Variants in OPN1SW observed in about 807,000 individuals in gnomAD.
OPN1SW encodes short-wave-sensitive opsin 1.
In OPN1SW, 25 loss-of-function variants were observed where a neutral mutation model predicts 31.9. The observed-to-expected ratio is 0.78, with a 90% CI of 0.57 to 1.09. The LOEUF (loss-of-function observed/expected upper bound fraction) is 1.09. OPN1SW is among the 50% of genes least tolerant of loss of function. The pLI is 0.00. For synonymous variants in OPN1SW, 190 were observed against 171.9 expected (o/e 1.11, Z -0.82); for missense variants, 424 against 448.0 (o/e 0.95, Z 0.48).
chr7:128,774,747 A>C, intron 2 of OPN1SW, 84 bp from the exon 3 acceptor site: 1 of 1,577,756 alleles, frequency 6.3e-7, no homozygotes, highest in South Asian at 1.1e-5. Context: ...TTCTCCACTT[A>C]GAACCCACGG....
In OPN1SW at chr7:128,773,798, C is replaced by CA; in HGVS notation, c.768dup (p.Val257CysfsTer18). ...AAGGCCGCGTAGGGCACGTAGCAGA[C>CA]ACAGAAGGATCCTACCATCACAACC... On this transcript the variant is annotated frameshift_variant, in exon 4 of 5. Transcript: ENST00000249389. LOFTEE classifies it high-confidence loss of function. 1 of 1,614,172 alleles carries CA rather than the reference C, an allele frequency of 6.2e-7. No individual in the cohort carries two copies. Among genetic ancestry groups the CA allele is most frequent in the Non-Finnish European group, 8.5e-7 (1 of 1,180,028 alleles).
intron 2 of OPN1SW, 78 bp from the exon 3 acceptor site, chr7:128,774,741 C>T (rs1014917675): frequency 1.3e-6 from 2 of 1,582,312 alleles, no homozygotes; most frequent in Non-Finnish European, 1.7e-6. Flanking sequence ...ATTGTGTTCT[C>T]CACTTAGAAC....
At position 128,773,679 on chromosome 7, in the gene OPN1SW, A is replaced by G. The variant is rs1047554910; in HGVS notation, c.888T>C (p.Asn296=). The G allele has an allele frequency of 6.2e-7, 1 of 1,614,222 alleles. No individual in the cohort carries two copies. Among genetic ancestry groups the G allele is most frequent in the South Asian group, 1.1e-5 (1 of 91,092 alleles). Residue 296 remains asparagine (N), a synonymous_variant, in exon 4 of 5, where the codon AAT becomes AAC. Coordinates refer to ENST00000249389, the MANE Select transcript of OPN1SW (RefSeq NM_001385125.1). ...SFFSKSACIY[N]PIIYCFMNKQ... The stretch of plus-strand genomic sequence containing the variant: ...TATTCATGAAGCAGTAGATGATGGG[A>G]TTGTAGATGCAAGCACTCTTGGAGA...
chr7:128,772,848 C>T (rs1382143104), intron 4 of OPN1SW, among the ~76,000 whole-genome samples, 189 bp from the exon 5 acceptor site: 3 of 152,188 alleles, frequency 2.0e-5, no homozygotes, highest in Non-Finnish European at 2.9e-5. Flanking sequence ...CCTGGGTCTA[C>T]GGTAATCCTA....
Position 128,775,286 on chromosome 7 carries a change from A to G in OPN1SW, c.344-132T>C, listed in dbSNP as rs928725794. ...TGACATTTGGAGTGAAGACTCAAAC[A>G]TCCTATTTTAGCCAAACTTCTAGTC... On this transcript the variant is annotated intron_variant, in intron 1 of 4. Coordinates refer to ENST00000249389, the MANE Select transcript of OPN1SW (RefSeq NM_001385125.1). The G allele has an allele frequency of 3.1e-6, 4 of 1,278,398 alleles. No individual in the cohort carries two copies. In the South Asian group the frequency reaches 5.4e-5, roughly 17 times the overall value. 79.2% of individuals were successfully genotyped at this position (1,278,398 alleles called of 1,614,324 possible). A position where few individuals can be genotyped will look rare whatever the true frequency, so the allele number is the denominator to read the frequency against.
At position 128,775,694 on chromosome 7, in the gene OPN1SW, C is replaced by T; in HGVS notation, c.88G>A (p.Ala30Thr). ...ATGAAAGCTGCCTGGAGGTAGAAGG[C>T]CCAGACAGGGGCAATGTGGTACTGA... ...GPQYHIAPVW[A>T]FYLQAAFMGT... Residue 30 changes from alanine (A) to threonine (T), a missense_variant, in exon 1 of 5, where the codon GCC becomes ACC. Coordinates refer to ENST00000249389, the MANE Select transcript of OPN1SW (RefSeq NM_001385125.1). 1 of 1,614,128 alleles carries T rather than the reference C, an allele frequency of 6.2e-7. No homozygotes were observed. The highest frequency in any genetic ancestry group is 1.3e-5 in the African/African-American group (1 of 75,024).
chr7:128,775,176 A>G, intron 1 of OPN1SW, 22 bp from the exon 2 acceptor site: 2 of 1,613,090 alleles, frequency 1.2e-6, no homozygotes, highest in Non-Finnish European at 1.7e-6. Context: ...TGTGAGGATA[A>G]TGGGCTAGAC....
rs1367423732 is a variant in OPN1SW at position 128,772,627 on chromosome 7, C to T, written c.951G>A (p.Gly317=). 43 of 1,613,988 alleles carry T rather than the reference C, an allele frequency of 2.7e-5. No homozygotes were observed. The highest frequency in any genetic ancestry group is 3.5e-5 in the Non-Finnish European group (41 of 1,180,018). The change falls in exon 5 of 5, where the codon GGG becomes GGA. Residue 317 remains glycine, a synonymous_variant. Transcript: ENST00000249389. Reference sequence around the variant, plus strand: ...TGTCGGATTCATCTGTCATGGCCTTCCCACACACCATCTTCATGATGCAAG... The same window carrying T: ...TGTCGGATTCATCTGTCATGGCCTTTCCACACACCATCTTCATGATGCAAG... ...FQACIMKMVC[G]KAMTDESDTC... is the part of the protein sequence containing the mutation.
rs375118323 is a variant in OPN1SW at position 128,775,767 on chromosome 7, C to T, written c.15G>A (p.Glu5=). 1.1e-5 allele frequency: 17 copies of T among 1,614,012 alleles called. No homozygotes were observed. The highest frequency in any genetic ancestry group is 1.7e-5 in the Admixed American group (1 of 60,008). Residue 5 remains glutamate (E), a synonymous_variant, in exon 1 of 5, where the codon GAG becomes GAA. Transcript: ENST00000249389. The stretch of plus-strand genomic sequence containing the variant: ...AAGAGATATTTTTGAACAGATAAAA[C>T]TCTTCCTCCGACATTTTTCTCATGG... MSEE[E]FYLFKNISSV...
chr7:128,773,697 C>G lies in OPN1SW; in HGVS notation c.870G>C (p.Lys290Asn). The G allele has an allele frequency of 6.2e-7, 1 of 1,614,220 alleles. No homozygotes were observed. Among genetic ancestry groups the G allele is most frequent in the South Asian group, 1.1e-5 (1 of 91,086 alleles). ...TGATGGGATTGTAGATGCAAGCACT[C>G]TTGGAGAAGAATGAAGGAATGGTGA... ...RLVTIPSFFS[K>N]SACIYNPIIY... is the part of the protein sequence containing the mutation. Residue 290 changes from lysine (K) to asparagine (N), a missense_variant, in exon 4 of 5, where the codon AAG (lysine) becomes AAC (asparagine). Physicochemically the swap from Lys to Asn is moderately conservative, Grantham distance 94 (BLOSUM62 0). Transcript: ENST00000249389.
At chr7:128,774,750 AC>A in intron 2 of OPN1SW, 87 bp from the exon 3 acceptor site, 1 of 1,571,332 alleles carries the variant, frequency 6.4e-7, no homozygotes, top group Non-Finnish European at 8.7e-7. Flanking sequence ...TCCACTTAGA[AC>A]CCACGGAATG....
In OPN1SW at chr7:128,774,648, G is replaced by C. The variant is rs531596852; in HGVS notation, c.528C>G (p.Gly176=). The change falls in exon 3 of 5, where the codon GGC becomes GGG. Residue 176 remains glycine, a synonymous_variant. Transcript: ENST00000249389. ...FFGWSRFIPE[G]LQCSCGPDWY... Reference sequence around the variant, plus strand: ...AGTCAGGGCCACAGGAACACTGCAGGCCCTCAGGGATGAACCTGCAAAGGA... The same window carrying C: ...AGTCAGGGCCACAGGAACACTGCAGCCCCTCAGGGATGAACCTGCAAAGGA... 3 of 1,613,988 alleles carry C rather than the reference G, an allele frequency of 1.9e-6. No individual in the cohort carries two copies. The African/African-American group carries it at 4.0e-5, about 22-fold the overall frequency.
chr7:128,774,238 C>T (rs927080974), intron 3 of OPN1SW, among the ~76,000 whole-genome samples: 14 of 152,150 alleles, frequency 9.2e-5, no homozygotes, highest in African/African-American at 2.7e-4. Flanking sequence ...GGATTATAGG[C>T]GTGAGCCACT....
chr7:128,775,029 T>G lies in OPN1SW; in HGVS notation c.469A>C (p.Ile157Leu), dbSNP rs1293963221. Residue 157 changes from isoleucine to leucine, a missense_variant, in exon 2 of 5, where the codon ATT (isoleucine) becomes CTT (leucine). Ile to Leu is a conservative substitution (Grantham distance 5). Transcript: ENST00000249389. ...GGTGGGATGGAGACGCCAATACCAA[T>G]GGTCCAGGTAGCCAGGACCACCGTC... ...ALTVVLATWTIGIGVSIPPFF... is the reference protein window; with the variant it reads ...ALTVVLATWTLGIGVSIPPFF... 4 of 1,614,174 alleles carry G rather than the reference T, an allele frequency of 2.5e-6. No homozygotes were observed. In the South Asian group the frequency reaches 4.4e-5, roughly 18 times the overall value.
chr7:128,773,047 A>T (rs1051744572), intron 4 of OPN1SW, among the ~76,000 whole-genome samples: 2 of 152,236 alleles, frequency 1.3e-5, no homozygotes, highest in African/African-American at 4.8e-5. Context: ...AAACAATACC[A>T]TCTGAAAGTA....
Position 128,772,587 on chromosome 7 carries a change from T to G in OPN1SW, c.991A>C (p.Lys331Gln). 1 of 1,614,210 alleles carries G rather than the reference T, an allele frequency of 6.2e-7. No individual in the cohort carries two copies. Among genetic ancestry groups the G allele is most frequent in the Non-Finnish European group, 8.5e-7 (1 of 1,180,032 alleles). Residue 331 changes from lysine to glutamine, a missense_variant, in exon 5 of 5, where the codon AAA becomes CAA. Transcript: ENST00000249389. ...GACGAGACAGTAGAAACTTCTGTTT[T>G]CTGGGAGCTGCATGTGTCGGATTCA... ...TDESDTCSSQ[K>Q]TEVSTVSSTQ... is the part of the protein sequence containing the mutation.
chr7:128,774,736 G>A (rs1430858905), intron 2 of OPN1SW, 73 bp from the exon 3 acceptor site: 2 of 1,595,684 alleles, frequency 1.3e-6, no homozygotes, highest in Admixed American at 1.7e-5. Context: ...CCTGGATTGT[G>A]TTCTCCACTT....
Position 128,772,510 on chromosome 7 carries a change from A to G in OPN1SW, c.*30T>C, listed in dbSNP as rs2128885254. The G allele has an allele frequency of 4.3e-6, 7 of 1,613,852 alleles. No individual in the cohort carries two copies. Among genetic ancestry groups the G allele is most frequent in the Non-Finnish European group, 5.9e-6 (7 of 1,179,758 alleles). On this transcript the variant is annotated 3_prime_UTR_variant, in exon 5 of 5. Transcript: ENST00000249389. ...TTACTTAAAAGTAAAATTTAATTCT[A>G]GCTGTTGCAAACAGGCCAATATTGG...
chr7:128,774,594 G>A lies in OPN1SW; in HGVS notation c.582C>T (p.Ser194=), dbSNP rs760831035. The change falls in exon 3 of 5, where the codon AGC becomes AGT. Residue 194 remains serine, a synonymous_variant. Coordinates refer to ENST00000249389, the MANE Select transcript of OPN1SW (RefSeq NM_001385125.1). ...TGAAGAGGAACCACGTATAGGACTC[G>A]CTGCGGTATTTGGTGCCCACGGTGT... ...DWYTVGTKYR[S]ESYTWFLFIF... is the part of the protein sequence containing the mutation. The A allele has an allele frequency of 4.3e-6, 7 of 1,614,008 alleles. No individual in the cohort carries two copies. In the South Asian group the frequency reaches 5.5e-5, roughly 13 times the overall value.
Sources: allele counts gnomAD v4.1 joint callset (sites outside exome capture counted in the v4.1 genomes callset), GRCh38; gene constraint gnomAD v4.1.1; transcripts MANE v1.5; gene names NCBI Gene and HGNC (gene_info 2026-07-23, HGNC 2026-07-21).